The following NDUFA10 variants were observed in gnomAD, a reference collection of about 807,000 sequenced individuals.
NDUFA10 encodes the protein NADH:ubiquinone oxidoreductase subunit A10.
A neutral mutation model predicts 47.8 loss-of-function variants in NDUFA10; 40 were observed. That is an observed-to-expected ratio of 0.84 (90% CI 0.65 to 1.09). The LOEUF is 1.09. Among genes scored for constraint, NDUFA10 ranks in the 50% least tolerant of loss-of-function variants. The pLI, the probability that NDUFA10 is intolerant of heterozygous loss-of-function variation, is 0.00. For missense variants in NDUFA10, 413 were observed against 451.1 expected, an observed-to-expected ratio of 0.92 and a Z score of 0.76; for synonymous variants, 183 against 172.2, an observed-to-expected ratio of 1.06 and a Z score of -0.49.
downstream of NDUFA10, among the ~76,000 whole-genome samples, chr2:239,956,237 C>T (rs978313907): frequency 6.6e-6 from 1 of 152,182 alleles, no homozygotes; most frequent in African/African-American, 2.4e-5. Context: ...GTCATCCCCA[C>T]CATACATGCA....
intron 8 of NDUFA10, among the ~76,000 whole-genome samples, chr2:240,000,605 G>A (rs539404793): frequency 1.6e-4 from 24 of 152,060 alleles, no homozygotes; most frequent in African/African-American, 5.1e-4. Context: ...CACAGTGTAC[G>A]GTGATGTCCT....
At chr2:240,014,038 C>A (rs1383746000) in intron 5 of NDUFA10, 5 of 152,022 alleles carry the variant, frequency 3.3e-5, no homozygotes, top group Non-Finnish European at 7.3e-5. Context: ...GAGCCGAGAT[C>A]GTGCCACTGC....
intron 4 of NDUFA10, among the ~76,000 whole-genome samples, chr2:239,924,659 T>G (rs948009630): frequency 6.6e-6 from 1 of 152,138 alleles, no homozygotes; most frequent in African/African-American, 2.4e-5. Context: ...GTTGGAGATG[T>G]CTACTATTAC....
At chr2:239,914,370 A>G (rs559857108) in intron 4 of NDUFA10, among the ~76,000 whole-genome samples, 2 of 151,828 alleles carry the variant, frequency 1.3e-5, no homozygotes, top group Admixed American at 6.6e-5. Flanking sequence ...AGAGATACAC[A>G]TACACACACA....
At chr2:239,918,942 C>T (rs1693922241) in intron 4 of NDUFA10, among the ~76,000 whole-genome samples, 1 of 152,202 alleles carries the variant, frequency 6.6e-6, no homozygotes, top group African/African-American at 2.4e-5. Context: ...ATCTTCCCAT[C>T]CCCACTCACA....
downstream of NDUFA10, among the ~76,000 whole-genome samples, chr2:239,953,631 A>G (rs1694600119): frequency 6.6e-6 from 1 of 152,032 alleles, no homozygotes; most frequent in South Asian, 2.1e-4. Context: ...CAAGTCCCCC[A>G]CCTTAGTTCC....
chr2:239,960,618 AC>A lies in NDUFA10; in HGVS notation c.*499del. On this transcript the variant is annotated 3_prime_UTR_variant, in exon 10 of 10. Coordinates refer to ENST00000252711, the MANE Select transcript of NDUFA10 (RefSeq NM_004544.4). ...ATAAATACAGTAGGCCTTTAGAAAA[AC>A]TCTTCAGCATAATGTAAGCCTCAAT... The A allele has an allele frequency of 9.8e-7, 1 of 1,023,826 alleles. No homozygotes were observed. Among genetic ancestry groups the A allele is most frequent in the Non-Finnish European group, 1.2e-6 (1 of 850,920 alleles). The allele number at this position is 1,023,826 out of a possible 1,614,324, so 63.4% of individuals were successfully genotyped here. A position where few individuals can be genotyped will look rare whatever the true frequency, so the allele number is the denominator to read the frequency against.
intron 4 of NDUFA10, among the ~76,000 whole-genome samples, chr2:239,913,063 C>T (rs565988978): frequency 1.3e-3 from 184 of 145,138 alleles, no homozygotes; most frequent in African/African-American, 4.6e-3. Flanking sequence ...CTCTGCCACT[C>T]GGGGCCACTG....
intron 8 of NDUFA10, among the ~76,000 whole-genome samples, chr2:239,999,788 G>A (rs1248515371): frequency 6.6e-6 from 1 of 152,254 alleles, no homozygotes; most frequent in Non-Finnish European, 1.5e-5. Flanking sequence ...AAGTTATACT[G>A]ATGGAGAGTG....
intron 1 of NDUFA10, among the ~76,000 whole-genome samples, chr2:240,023,990 T>C (rs1289448794): frequency 6.6e-6 from 1 of 152,276 alleles, no homozygotes; most frequent in African/African-American, 2.4e-5. Context: ...CAGCCCCGCA[T>C]GCTGGCGAGC....
chr2:239,965,978 C>T (rs141959086), intron 9 of NDUFA10, among the ~76,000 whole-genome samples: 1,758 of 152,318 alleles, frequency 0.012, 29 homozygotes, highest in African/African-American at 0.038. Flanking sequence ...CCCTGTATTC[C>T]ATTTTCCATT....
At position 239,928,218 on chromosome 2, in the gene NDUFA10, G is replaced by A. The variant is rs565381104; in HGVS notation, c.295-32904C>T. On this transcript the variant is annotated intron_variant, in intron 4 of 5. Transcript: ENST00000419408. This position sits in a 1 kb window ranked among gnomAD's most constrained non-coding sequence, Gnocchi z 4.3. ...AAAACAAATGTAACAGAAAAAAAAA[G>A]GCAGGTACCAATGCCACTTTGAAGG... Among the ~76,000 whole-genome samples, 13 of 151,844 alleles carry A rather than the reference G, an allele frequency of 8.6e-5. No homozygotes were observed. In the South Asian group the frequency reaches 2.5e-3, roughly 29 times the overall value.
chr2:239,954,397 G>C (rs1013696524), downstream of NDUFA10, among the ~76,000 whole-genome samples: 1 of 152,248 alleles, frequency 6.6e-6, no homozygotes. Flanking sequence ...AACCTGCCCG[G>C]CTGGGCAGAG....
At chr2:239,915,482 AAC>A (rs140473399) in intron 4 of NDUFA10, among the ~76,000 whole-genome samples, 10,350 of 121,040 alleles carry the variant, frequency 0.086, 632 homozygotes, top group African/African-American at 0.14. Flanking sequence ...ACACACACAG[AAC>A]ACACACACAG....
At chr2:239,900,315 C>CATATATATATATAT (rs142452963) in intron 4 of NDUFA10, among the ~76,000 whole-genome samples, 13 of 142,724 alleles carry the variant, frequency 9.1e-5, no homozygotes, top group African/African-American at 2.1e-4. Context: ...AACTCCCCTT[C>CATATATATATATAT]ATATATATAT....
Position 239,977,663 on chromosome 2 carries a change from A to T in NDUFA10, c.999+12411T>A, listed in dbSNP as rs112949506. On this transcript the variant is annotated intron_variant, in intron 9 of 9. Coordinates refer to ENST00000252711, the MANE Select transcript of NDUFA10 (RefSeq NM_004544.4). ...TGTATATTTATAATGTTAAGCACAC[A>T]AACTGCTGCTTTCACGCTAGGAGAA... 8.4e-3 allele frequency among the ~76,000 whole-genome samples: 1,287 copies of T among 152,340 alleles called. 18 individuals are homozygous for T. The highest frequency in any genetic ancestry group is 0.03 in the African/African-American group (1,228 of 41,562).
At chr2:239,899,732 C>T (rs1693508299) in intron 4 of NDUFA10, among the ~76,000 whole-genome samples, 1 of 152,042 alleles carries the variant, frequency 6.6e-6, no homozygotes, top group Non-Finnish European at 1.5e-5. Context: ...CAATGCAACA[C>T]TTAAGGGAGT....
intron 4 of NDUFA10, among the ~76,000 whole-genome samples, chr2:239,944,797 C>G (rs562952798): frequency 6.6e-6 from 1 of 152,300 alleles, no homozygotes; most frequent in African/African-American, 2.4e-5. Context: ...ACGCCCAGAG[C>G]CACCTGCCCC....
intron 3 of NDUFA10, among the ~76,000 whole-genome samples, chr2:240,020,534 CAAG>C (rs1278325332): frequency 1.3e-5 from 2 of 152,326 alleles, no homozygotes; most frequent in African/African-American, 4.8e-5. Context: ...ATTCTGCACA[CAAG>C]TAGTCCATGT....
Sources: allele counts gnomAD v4.1 joint callset (sites outside exome capture counted in the v4.1 genomes callset), GRCh38; gene constraint gnomAD v4.1.1; non-coding constraint Gnocchi (gnomAD v3.1); transcripts MANE v1.5; gene names NCBI Gene and HGNC (gene_info 2026-07-23, HGNC 2026-07-21).